THSD4: variants seen among roughly 807,000 people sequenced by gnomAD.
THSD4 encodes the protein thrombospondin type-1 domain-containing protein 4.
In THSD4, 69 loss-of-function variants were observed where a neutral mutation model predicts 119.0. That is an observed-to-expected ratio of 0.58 (90% CI 0.48 to 0.71). The LOEUF (loss-of-function observed/expected upper bound fraction) is 0.71. THSD4 is among the 30% of genes least tolerant of loss of function. The pLI is 0.00. For missense variants in THSD4, 1,393 were observed against 1,391.1 expected (o/e 1.00, Z -0.02); for synonymous variants, 524 against 540.4 (o/e 0.97, Z 0.42).
intron 7 of THSD4, among the ~76,000 whole-genome samples, chr15:71,572,324 A>G (rs1177266104): frequency 6.6e-6 from 1 of 152,186 alleles, no homozygotes; most frequent in African/African-American, 2.4e-5. Context: ...ATTTAATACT[A>G]TGGGTGAAGC....
chr15:71,547,220 C>G, intron 7 of THSD4: 1 of 1,382,844 alleles, frequency 7.2e-7, no homozygotes, highest in African/African-American at 1.5e-5. Flanking sequence ...AAGAGATCAG[C>G]TTACCAGTTT....
At chr15:71,157,678 T>A (rs1221498266) in intron 3 of THSD4, among the ~76,000 whole-genome samples, 1 of 90,584 alleles carries the variant, frequency 1.1e-5, no homozygotes, top group Admixed American at 1.7e-4. Context: ...CTATATCAAC[T>A]CTTTTTTTTT....
intron 3 of THSD4, among the ~76,000 whole-genome samples, chr15:71,171,763 G>A (rs2141404631): frequency 6.6e-6 from 1 of 152,206 alleles, no homozygotes; most frequent in East Asian, 1.9e-4. Flanking sequence ...AAATTAAGGA[G>A]GTGAAAAACT....
At chr15:71,758,627 G>C (rs147197582) in intron 15 of THSD4, among the ~76,000 whole-genome samples, 3 of 152,106 alleles carry the variant, frequency 2.0e-5, no homozygotes, top group Non-Finnish European at 4.4e-5. Flanking sequence ...AAAATTGAAC[G>C]TGAACCCCAC....
At chr15:71,332,517 A>G (rs2045433950) in intron 6 of THSD4, among the ~76,000 whole-genome samples, 2 of 152,316 alleles carry the variant, frequency 1.3e-5, no homozygotes, top group African/African-American at 4.8e-5. Flanking sequence ...CTGGCCTTCA[A>G]ATTTGCCCCT....
At chr15:71,223,560 A>T (rs1268396299) in intron 4 of THSD4, among the ~76,000 whole-genome samples, 2 of 152,186 alleles carry the variant, frequency 1.3e-5, no homozygotes, top group Non-Finnish European at 2.9e-5. Flanking sequence ...CTTAATAGAC[A>T]TTGCCTTGTT....
chr15:71,352,170 C>A (rs1013969016), intron 6 of THSD4, among the ~76,000 whole-genome samples: 8 of 152,202 alleles, frequency 5.3e-5, no homozygotes, highest in African/African-American at 1.9e-4. Flanking sequence ...TCCTCTTTGT[C>A]TTTTAACATC....
At chr15:71,748,904 CAT>C (rs1251081713) in intron 14 of THSD4, among the ~76,000 whole-genome samples, 1 of 152,196 alleles carries the variant, frequency 6.6e-6, no homozygotes, top group African/African-American at 2.4e-5. Flanking sequence ...CCTGGTGTCT[CAT>C]AGACACTCAG....
intron 5 of THSD4, among the ~76,000 whole-genome samples, chr15:71,249,395 G>T (rs1255863987): frequency 1.4e-5 from 2 of 140,336 alleles, no homozygotes; most frequent in African/African-American, 5.4e-5. Flanking sequence ...ATAGAAAGTT[G>T]TTCTCTTATT....
At chr15:71,654,305 A>G (rs2051147504) in intron 7 of THSD4, among the ~76,000 whole-genome samples, 2 of 152,220 alleles carry the variant, frequency 1.3e-5, no homozygotes, top group Admixed American at 1.3e-4. Flanking sequence ...GGCTCAGGAA[A>G]CATTTACTGA....
At chr15:71,590,103 G>T (rs1235631446) in intron 7 of THSD4, among the ~76,000 whole-genome samples, 1 of 139,362 alleles carries the variant, frequency 7.2e-6, no homozygotes, top group African/African-American at 2.5e-5. Flanking sequence ...GCTGATGAAG[G>T]AGAGAGGGGA....
chr15:71,450,065 A>G (rs1044392211), intron 7 of THSD4, among the ~76,000 whole-genome samples: 4 of 152,206 alleles, frequency 2.6e-5, no homozygotes, highest in African/African-American at 9.6e-5. Flanking sequence ...GTGATGTGCA[A>G]ACGAAGGAAC....
intron 6 of THSD4, among the ~76,000 whole-genome samples, chr15:71,380,193 G>A (rs2046209467): frequency 6.6e-6 from 1 of 152,124 alleles, no homozygotes; most frequent in Admixed American, 6.5e-5. Context: ...GCTTTCTCAA[G>A]CCAAATTTAG....
chr15:71,613,893 T>G (rs2050275232), intron 7 of THSD4, among the ~76,000 whole-genome samples: 1 of 152,220 alleles, frequency 6.6e-6, no homozygotes, highest in Non-Finnish European at 1.5e-5. Flanking sequence ...AACTGATATC[T>G]GTCTATGGTC....
intron 6 of THSD4, among the ~76,000 whole-genome samples, chr15:71,402,021 A>G (rs1951939631): frequency 6.9e-6 from 1 of 144,542 alleles, no homozygotes; most frequent in Non-Finnish European, 1.5e-5. Context: ...CAAACACCGC[A>G]TGTTCTCACT....
chr15:71,496,272 G>A (rs965222501), intron 7 of THSD4, among the ~76,000 whole-genome samples: 3 of 152,154 alleles, frequency 2.0e-5, no homozygotes, highest in African/African-American at 7.2e-5. Context: ...ATTAAAAATT[G>A]ATTTAGTTGT....
chr15:71,242,551 G>T, intron 4 of THSD4, 98 bp from the exon 5 acceptor site: 1 of 1,333,222 alleles, frequency 7.5e-7, no homozygotes. Context: ...CCAAGCTTCC[G>T]TTCCTACCTG....
In THSD4 at chr15:71,235,970, GGT is replaced by G. The variant is rs2044101969; in HGVS notation, c.465-6677_465-6676del. Among the ~76,000 whole-genome samples, 5 of 152,262 alleles carry G rather than the reference GGT, an allele frequency of 3.3e-5. No individual in the cohort carries two copies. The South Asian group carries it at 1.0e-3, about 32-fold the overall frequency. On this transcript the variant is annotated intron_variant, in intron 4 of 17. Coordinates refer to ENST00000261862, the MANE Select transcript of THSD4 (RefSeq NM_024817.3). Reference sequence around the variant, plus strand: ...CAAGGAGACTTTCCACGCGGGCAGGGGTGGTCAGCCTCATTGCCTATCTGCCT... The same window carrying G: ...CAAGGAGACTTTCCACGCGGGCAGGGGGTCAGCCTCATTGCCTATCTGCCT...
Position 71,123,448 on chromosome 15 carries a change from G to A in THSD4, c.-80+7750G>A, listed in dbSNP as rs560159586. On this transcript the variant is annotated intron_variant, in intron 1 of 17. Coordinates refer to ENST00000261862, the MANE Select transcript of THSD4 (RefSeq NM_024817.3). ...CATGCCGTAGGAATTAGAGGAGAGA[G>A]CATAGGTAAGGTGTCTGCTCAAGCC... Among the ~76,000 whole-genome samples, 8 of 152,336 alleles carry A rather than the reference G, an allele frequency of 5.3e-5. 1 individual carries two copies. The highest frequency in any genetic ancestry group is 1.7e-4 in the African/African-American group (7 of 41,568).
Sources: gnomAD v4.1 joint callset for allele counts (sites outside exome capture counted in the v4.1 genomes callset) on GRCh38, gnomAD v4.1.1 for gene constraint, MANE v1.5 for transcripts, NCBI Gene and HGNC (gene_info 2026-07-23, HGNC 2026-07-21) for gene names.